The following ALPK2 variants were observed in gnomAD, a reference collection of about 807,000 sequenced individuals.
ALPK2 encodes the protein alpha kinase 2.
ALPK2 carries 127 observed loss-of-function variants against 163.1 expected under a neutral mutation model. The observed-to-expected ratio is 0.78, with a 90% CI of 0.67 to 0.90. The LOEUF is 0.90. Ranked by LOEUF, ALPK2 falls within the 40% of genes least tolerant of loss-of-function variation. The pLI is 0.00. For missense variants in ALPK2, 2,360 were observed against 2,589.6 expected, an observed-to-expected ratio of 0.91 and a Z score of 1.92; for synonymous variants, 953 against 959.1, an observed-to-expected ratio of 0.99 and a Z score of 0.12.
At chr18:58,577,144 C>T (rs2051926320) in intron 4 of ALPK2, among the ~76,000 whole-genome samples, 1 of 152,204 alleles carries the variant, frequency 6.6e-6, no homozygotes, top group South Asian at 2.1e-4. Flanking sequence ...ACTTGACTGA[C>T]TTGCTAGTAA....
chr18:58,582,262 G>A (rs987524859), intron 3 of ALPK2, among the ~76,000 whole-genome samples: 2 of 152,276 alleles, frequency 1.3e-5, no homozygotes, highest in African/African-American at 2.4e-5. Flanking sequence ...TATACCAGAC[G>A]AATTCTTCAA....
chr18:58,603,434 A>G (rs7227807), intron 3 of ALPK2, among the ~76,000 whole-genome samples: 129,922 of 152,232 alleles, frequency 0.85, 55,782 homozygotes, highest in East Asian at 1. Flanking sequence ...TCCCCAGCCT[A>G]GCCGATGCCA....
At chr18:58,600,833 A>C (rs1420499983) in intron 3 of ALPK2, 1 of 152,328 alleles carries the variant, frequency 6.6e-6, no homozygotes, top group East Asian at 1.9e-4. Flanking sequence ...TTTCCTGGAC[A>C]CTGGACTGTG....
At chr18:58,623,522 T>C (rs73447288) in intron 1 of ALPK2, among the ~76,000 whole-genome samples, 2,144 of 151,944 alleles carry the variant, frequency 0.014, 32 homozygotes, top group East Asian at 0.073. Context: ...CTGGAGTGCA[T>C]TGGTACAATC....
chr18:58,621,473 G>A (rs1030683916), intron 1 of ALPK2, among the ~76,000 whole-genome samples: 31 of 152,056 alleles, frequency 2.0e-4, no homozygotes, highest in African/African-American at 1.7e-4. Context: ...GGGTTTCACT[G>A]TGTTAGCCAG....
intron 11 of ALPK2, among the ~76,000 whole-genome samples, chr18:58,501,786 T>A (rs1023315812): frequency 3.3e-5 from 5 of 152,106 alleles, no homozygotes; most frequent in Non-Finnish European, 7.3e-5. Flanking sequence ...AGGGTTATTA[T>A]GAAGATTAAG....
chr18:58,503,455 G>A (rs575850331), intron 11 of ALPK2, among the ~76,000 whole-genome samples: 27 of 152,332 alleles, frequency 1.8e-4, no homozygotes, highest in African/African-American at 6.3e-4. Context: ...ACTTTTGGAG[G>A]CCAGTGTGGG....
At chr18:58,615,041 C>G (rs2052158296) in intron 1 of ALPK2, among the ~76,000 whole-genome samples, 1 of 151,718 alleles carries the variant, frequency 6.6e-6, no homozygotes, top group Non-Finnish European at 1.5e-5. Context: ...TCTTGAATGC[C>G]TGGGCTCAAG....
intron 4 of ALPK2, among the ~76,000 whole-genome samples, chr18:58,538,844 G>A (rs1374380198): frequency 6.6e-6 from 1 of 152,078 alleles, no homozygotes; most frequent in Non-Finnish European, 1.5e-5. Context: ...GAATGAGTGA[G>A]TTCTCAATCT....
intron 1 of ALPK2, among the ~76,000 whole-genome samples, chr18:58,617,881 C>T (rs1025230478): frequency 6.6e-6 from 1 of 152,154 alleles, no homozygotes; most frequent in Admixed American, 6.5e-5. Context: ...ATAGCAATAT[C>T]CCACTTAACC....
At chr18:58,503,528 CA>C (rs891369864) in intron 11 of ALPK2, among the ~76,000 whole-genome samples, 37 of 149,678 alleles carry the variant, frequency 2.5e-4, no homozygotes, top group African/African-American at 8.3e-4. Context: ...GCTGTCTCTA[CA>C]AAAAAAAAAT....
At chr18:58,573,613 C>CTTTTTTTGTTTTTT (rs2051902528) in intron 4 of ALPK2, among the ~76,000 whole-genome samples, 1 of 51,730 alleles carries the variant, frequency 1.9e-5, no homozygotes, top group Admixed American at 3.5e-4. Context: ...TTTTTGTCTT[C>CTTTTTTTGTTTTTT]TTTTTTTTTT....
intron 5 of ALPK2, among the ~76,000 whole-genome samples, chr18:58,529,471 T>C (rs2051601161): frequency 6.6e-6 from 1 of 152,232 alleles, no homozygotes. Context: ...GTGCAGCCTG[T>C]AATGCTTAAA....
At chr18:58,618,958 G>A (rs1178309528) in intron 1 of ALPK2, among the ~76,000 whole-genome samples, 1 of 152,218 alleles carries the variant, frequency 6.6e-6, no homozygotes, top group Non-Finnish European at 1.5e-5. Flanking sequence ...AGCAGTCAGG[G>A]CGCCTACTCA....
At chr18:58,563,666 A>C (rs141537156) in intron 4 of ALPK2, among the ~76,000 whole-genome samples, 49 of 152,366 alleles carry the variant, frequency 3.2e-4, no homozygotes, top group African/African-American at 1.2e-3. Context: ...GTTTCCAAGC[A>C]TTTAAAAAAT....
intron 6 of ALPK2, 105 bp downstream of exon 6, chr18:58,528,986 T>G: frequency 7.1e-7 from 1 of 1,408,004 alleles, no homozygotes; most frequent in Non-Finnish European, 9.9e-7. Context: ...TCTGCTTCAA[T>G]TTTCCTTTTC....
intron 4 of ALPK2, among the ~76,000 whole-genome samples, chr18:58,567,114 G>A (rs1040607851): frequency 4.0e-5 from 6 of 151,816 alleles, no homozygotes; most frequent in Admixed American, 6.6e-5. Context: ...ATTTTTTCAC[G>A]GTGGCTCATG....
intron 3 of ALPK2, among the ~76,000 whole-genome samples, chr18:58,601,720 AG>A (rs2052070821): frequency 2.0e-5 from 3 of 152,170 alleles, no homozygotes. Flanking sequence ...CTTCCAGCCC[AG>A]CCAATCCGTA....
At chr18:58,621,824 A>G (rs1308300972) in intron 1 of ALPK2, among the ~76,000 whole-genome samples, 1 of 152,162 alleles carries the variant, frequency 6.6e-6, no homozygotes, top group African/African-American at 2.4e-5. Flanking sequence ...ACTTTTCAAT[A>G]TTAATAGTGA....
Sources: gnomAD v4.1 joint callset for allele counts (sites outside exome capture counted in the v4.1 genomes callset) on GRCh38, gnomAD v4.1.1 for gene constraint, MANE v1.5 for transcripts, NCBI Gene and HGNC (gene_info 2026-07-23, HGNC 2026-07-21) for gene names.